The following DGKI variants were observed in gnomAD, a reference collection of about 807,000 sequenced individuals.
DGKI encodes the protein diacylglycerol kinase iota.
Under a neutral mutation model 147.5 loss-of-function variants are expected in DGKI, and 55 were observed. That is an observed-to-expected ratio of 0.37 (90% CI 0.30 to 0.47). The LOEUF is 0.47. Among genes scored for constraint, DGKI ranks in the 20% least tolerant of loss-of-function variants. The pLI is 1.00. For missense variants in DGKI, 1,007 were observed against 1,323.8 expected (o/e 0.76, Z 3.71); for synonymous variants, 469 against 477.1 (o/e 0.98, Z 0.22).
At chr7:137,834,154 T>C (rs1798297782) in intron 1 of DGKI, among the ~76,000 whole-genome samples, 1 of 152,210 alleles carries the variant, frequency 6.6e-6, no homozygotes. Context: ...CTCATATTAA[T>C]GTTGAAGGTA....
At chr7:137,705,727 G>C (rs962589294) in intron 1 of DGKI, among the ~76,000 whole-genome samples, 1 of 151,974 alleles carries the variant, frequency 6.6e-6, no homozygotes, top group Non-Finnish European at 1.5e-5. Flanking sequence ...AAAGAAAAAG[G>C]CATGTAAATT....
chr7:137,722,752 C>T, intron 1 of DGKI: 5 of 1,516,578 alleles, frequency 3.3e-6, no homozygotes, highest in Non-Finnish European at 4.6e-6. Context: ...TGTGGACTCA[C>T]AAATTTTACC....
At chr7:137,480,341 A>C (rs1815329698) in intron 23 of DGKI, among the ~76,000 whole-genome samples, 1 of 152,184 alleles carries the variant, frequency 6.6e-6, no homozygotes, top group South Asian at 2.1e-4. Context: ...CTATCTATTG[A>C]AGGACTCTTC....
intron 1 of DGKI, among the ~76,000 whole-genome samples, chr7:137,700,168 A>C (rs542831085): frequency 3.9e-5 from 6 of 152,330 alleles, no homozygotes; most frequent in Admixed American, 3.9e-4. Flanking sequence ...AGGGTGTATC[A>C]GTGCCAGTTG....
intron 23 of DGKI, among the ~76,000 whole-genome samples, chr7:137,474,182 A>C (rs1815086020): frequency 6.6e-6 from 1 of 152,222 alleles, no homozygotes; most frequent in African/African-American, 2.4e-5. Context: ...TAATGCAACT[A>C]AACTACTTAT....
At chr7:137,427,283 C>A (rs962809604) in intron 28 of DGKI, among the ~76,000 whole-genome samples, 1 of 152,168 alleles carries the variant, frequency 6.6e-6, no homozygotes, top group African/African-American at 2.4e-5. Context: ...AACTGAACAA[C>A]CTGCTCCTGA....
At chr7:137,742,174 C>T (rs990413568) in intron 1 of DGKI, among the ~76,000 whole-genome samples, 2 of 152,134 alleles carry the variant, frequency 1.3e-5, no homozygotes, top group Non-Finnish European at 2.9e-5. Flanking sequence ...TTCTCATATG[C>T]CAAAGGCATT....
chr7:137,752,824 C>T (rs1459529796), intron 1 of DGKI, among the ~76,000 whole-genome samples: 2 of 152,110 alleles, frequency 1.3e-5, no homozygotes, highest in African/African-American at 4.8e-5. Flanking sequence ...CCGAATAAAG[C>T]CCTTCCTTCT....
chr7:137,427,097 A>AT (rs1365340497), intron 28 of DGKI, among the ~76,000 whole-genome samples: 10 of 151,722 alleles, frequency 6.6e-5, no homozygotes, highest in Non-Finnish European at 1.2e-4. Context: ...CAGAATATAC[A>AT]TTTTTTTCAG....
At chr7:137,595,292 G>A (rs1819746820) in intron 12 of DGKI, among the ~76,000 whole-genome samples, 1 of 152,206 alleles carries the variant, frequency 6.6e-6, no homozygotes. Flanking sequence ...ACTGTAATCG[G>A]ATCTGGCCAT....
chr7:137,844,775 A>G (rs1798660315), intron 1 of DGKI, among the ~76,000 whole-genome samples: 1 of 152,214 alleles, frequency 6.6e-6, no homozygotes, highest in African/African-American at 2.4e-5. Flanking sequence ...ATGACCCCTG[A>G]CAAGAGGCAA....
chr7:137,758,239 G>A (rs1279862261), intron 1 of DGKI, among the ~76,000 whole-genome samples: 2 of 152,192 alleles, frequency 1.3e-5, no homozygotes, highest in Non-Finnish European at 2.9e-5. Flanking sequence ...TGAGCCCCTG[G>A]GTGAGCTATG....
chr7:137,430,416 AG>A (rs1813018122), intron 28 of DGKI, among the ~76,000 whole-genome samples: 1 of 54,204 alleles, frequency 1.8e-5, no homozygotes, highest in Non-Finnish European at 3.6e-5. Flanking sequence ...GCGTGGGGGG[AG>A]GGGGGAGGGA....
rs112359723 is a variant in DGKI, at chr7:137,533,272, A to G, written c.2148-11306T>C. On this transcript the variant is annotated intron_variant, in intron 20 of 32. Coordinates refer to ENST00000614521, the MANE Select transcript of DGKI (RefSeq NM_001321708.2). ...CCACTACACTTCAGCCTAGCCACAG[A>G]GTGAGACCCTGTCTCAGAAAAAAAT... is the stretch of plus-strand genomic sequence containing the variant. Among the ~76,000 whole-genome samples the G allele has an allele frequency of 5.3e-3, 805 of 152,268 alleles. 13 individuals carry two copies. Among genetic ancestry groups the G allele is most frequent in the African/African-American group, 0.019 (772 of 41,568 alleles).
intron 28 of DGKI, among the ~76,000 whole-genome samples, chr7:137,413,720 T>C (rs893313323): frequency 3.9e-5 from 6 of 152,218 alleles, no homozygotes; most frequent in South Asian, 4.1e-4. Flanking sequence ...GTCTTTACTA[T>C]TGTAAATAGT....
intron 22 of DGKI, among the ~76,000 whole-genome samples, chr7:137,485,721 C>T (rs1815532426): frequency 6.6e-6 from 1 of 151,958 alleles, no homozygotes; most frequent in African/African-American, 2.4e-5. Context: ...AAAAGACAGG[C>T]AATTTTGTTC....
At chr7:137,823,522 G>C (rs1797967821) in intron 1 of DGKI, among the ~76,000 whole-genome samples, 2 of 148,498 alleles carry the variant, frequency 1.3e-5, no homozygotes, top group Admixed American at 6.6e-5. Context: ...AAAATAGGAA[G>C]AGAGTTCCTG....
At chr7:137,764,176 TA>T (rs1361664398) in intron 1 of DGKI, among the ~76,000 whole-genome samples, 1 of 152,062 alleles carries the variant, frequency 6.6e-6, no homozygotes, top group Non-Finnish European at 1.5e-5. Flanking sequence ...TCATATTCCT[TA>T]AAGTGCCCCT....
intron 1 of DGKI, among the ~76,000 whole-genome samples, chr7:137,807,600 A>T (rs1797422534): frequency 1.3e-5 from 2 of 152,168 alleles, no homozygotes; most frequent in South Asian, 4.1e-4. Context: ...ACCCTGTTAA[A>T]ATGCAGATTA....
Sources: gnomAD v4.1 joint callset for allele counts (sites outside exome capture counted in the v4.1 genomes callset) on GRCh38, gnomAD v4.1.1 for gene constraint, MANE v1.5 for transcripts, NCBI Gene and HGNC (gene_info 2026-07-23, HGNC 2026-07-21) for gene names.